TENM2: variants seen among roughly 807,000 people sequenced by gnomAD.
TENM2 encodes the protein teneurin transmembrane protein 2.
Under a neutral mutation model 245.2 loss-of-function variants are expected in TENM2, and 52 were observed. The ratio of observed to expected loss-of-function variants is 0.21; its 90% CI spans 0.17 to 0.27. TENM2 has a LOEUF of 0.27. Ranked by LOEUF, TENM2 falls within the 10% of genes least tolerant of loss-of-function variation. TENM2 has a pLI of 1.00. For synonymous variants in TENM2, 1,363 were observed against 1,438.9 expected (o/e 0.95, Z 1.19); for missense variants, 3,046 against 3,666.8 (o/e 0.83, Z 4.37).
chr5:167,646,200 C>CACAT (rs1779941259), intron 2 of TENM2, among the ~76,000 whole-genome samples: 1 of 63,422 alleles, frequency 1.6e-5, no homozygotes, highest in Non-Finnish European at 3.1e-5. Context: ...ATGTTGTTTT[C>CACAT]ATATATATAT....
intron 7 of TENM2, among the ~76,000 whole-genome samples, chr5:168,064,200 T>A (rs1271041527): frequency 6.6e-6 from 1 of 152,132 alleles, no homozygotes; most frequent in Non-Finnish European, 1.5e-5. Context: ...TTATGCAAAT[T>A]GTTAAGTGGT....
intron 2 of TENM2, among the ~76,000 whole-genome samples, chr5:167,682,053 T>TCTTC (rs1288771851): frequency 6.8e-6 from 1 of 147,150 alleles, no homozygotes; most frequent in Non-Finnish European, 1.5e-5. Context: ...TCCTTCCCTT[T>TCTTC]CTTCCTTCCT....
At chr5:167,493,669 A>G (rs944862703) in intron 2 of TENM2, among the ~76,000 whole-genome samples, 5 of 152,134 alleles carry the variant, frequency 3.3e-5, no homozygotes, top group African/African-American at 9.7e-5. Context: ...GTTCATAAGA[A>G]TTTAGTCAGT....
At chr5:167,523,293 A>C (rs1019270969) in intron 2 of TENM2, among the ~76,000 whole-genome samples, 1 of 152,160 alleles carries the variant, frequency 6.6e-6, no homozygotes, top group Non-Finnish European at 1.5e-5. Flanking sequence ...CAGTTAGCCC[A>C]CTACAGGTGG....
the TENM2 span, among the ~76,000 whole-genome samples, chr5:166,980,462 G>A: frequency 1.3e-5 from 2 of 151,992 alleles, no homozygotes; most frequent in African/African-American, 4.8e-5. Flanking sequence ...TCTGGCTGCC[G>A]GGATCTGTTT....
chr5:167,532,826 G>GTGTATATATATATATA (rs1554170577), intron 2 of TENM2, among the ~76,000 whole-genome samples: 46 of 144,542 alleles, frequency 3.2e-4, no homozygotes, highest in African/African-American at 1.1e-3. Context: ...GTGTGTGTGT[G>GTGTATATATATATATA]TATATATATA....
At chr5:167,650,237 T>G (rs1321005995) in intron 2 of TENM2, among the ~76,000 whole-genome samples, 1 of 152,234 alleles carries the variant, frequency 6.6e-6, no homozygotes, top group Non-Finnish European at 1.5e-5. Flanking sequence ...CTGTGGTCCC[T>G]TCCTCATTTA....
the TENM2 span, among the ~76,000 whole-genome samples, chr5:167,049,564 A>G: frequency 6.6e-6 from 1 of 152,214 alleles, no homozygotes; most frequent in African/African-American, 2.4e-5. Context: ...AAAAATCTTT[A>G]TATGAGTTTT....
At chr5:167,668,726 G>A (rs981559202) in intron 2 of TENM2, among the ~76,000 whole-genome samples, 28 of 152,130 alleles carry the variant, frequency 1.8e-4, no homozygotes, top group African/African-American at 5.1e-4. Context: ...AGGCCAAGGC[G>A]GGCAGATCGC....
chr5:167,962,954 T>C (rs1474801404), intron 4 of TENM2, among the ~76,000 whole-genome samples: 1 of 152,190 alleles, frequency 6.6e-6, no homozygotes, highest in Non-Finnish European at 1.5e-5. Context: ...GAGTCCCTTG[T>C]GTATGCCAAG....
chr5:168,085,531 A>T (rs1792373937), intron 7 of TENM2: 1 of 152,246 alleles, frequency 6.6e-6, no homozygotes, highest in Non-Finnish European at 1.5e-5. Context: ...GTAAGTAGGA[A>T]CTGAGCAGGG....
At chr5:167,789,295 A>G (rs971080477) in intron 2 of TENM2, among the ~76,000 whole-genome samples, 1 of 152,200 alleles carries the variant, frequency 6.6e-6, no homozygotes, top group Non-Finnish European at 1.5e-5. Flanking sequence ...GCCCCTGACC[A>G]GAGAACTCCC....
At chr5:168,191,266 A>G (rs1342575664) in intron 14 of TENM2, among the ~76,000 whole-genome samples, 3 of 152,248 alleles carry the variant, frequency 2.0e-5, no homozygotes, top group African/African-American at 7.2e-5. Flanking sequence ...CTCCTGGAGA[A>G]GAGAGCAAGG....
At chr5:167,654,541 C>T (rs1422388848) in intron 2 of TENM2, among the ~76,000 whole-genome samples, 3 of 151,924 alleles carry the variant, frequency 2.0e-5, no homozygotes, top group Non-Finnish European at 2.9e-5. Flanking sequence ...GGAGATGATC[C>T]AGAATTGCAT....
At chr5:167,920,555 A>ACACACACC (rs1777293247) in intron 3 of TENM2, among the ~76,000 whole-genome samples, 1 of 151,436 alleles carries the variant, frequency 6.6e-6, no homozygotes, top group African/African-American at 2.4e-5. Flanking sequence ...ACACACACAC[A>ACACACACC]CAAATAGCAT....
At chr5:167,108,664 C>T in the TENM2 span, among the ~76,000 whole-genome samples, 4 of 152,206 alleles carry the variant, frequency 2.6e-5, no homozygotes, top group Non-Finnish European at 5.9e-5. Flanking sequence ...ATGCTAGGTG[C>T]CTCGTGCCTT....
chr5:167,583,395 A>G (rs1322387934), intron 2 of TENM2, among the ~76,000 whole-genome samples: 1 of 151,806 alleles, frequency 6.6e-6, no homozygotes, highest in Non-Finnish European at 1.5e-5. Context: ...AGAAGTGCCT[A>G]AAGGTGAATA....
intron 10 of TENM2, among the ~76,000 whole-genome samples, chr5:168,124,418 C>T (rs1795694929): frequency 6.6e-6 from 1 of 152,206 alleles, no homozygotes; most frequent in African/African-American, 2.4e-5. Context: ...AGCCTCTCTA[C>T]TTTTCTCTCT....
the TENM2 span, among the ~76,000 whole-genome samples, chr5:167,140,675 G>A: frequency 6.6e-6 from 1 of 152,062 alleles, no homozygotes; most frequent in Admixed American, 6.6e-5. Context: ...AGGGGTGAGC[G>A]CAATACACTT....
Sources: gnomAD v4.1 joint callset for allele counts (sites outside exome capture counted in the v4.1 genomes callset) on GRCh38, gnomAD v4.1.1 for gene constraint, MANE v1.5 for transcripts, NCBI Gene and HGNC (gene_info 2026-07-23, HGNC 2026-07-21) for gene names.